SMYD3: variants seen among roughly 807,000 people sequenced by gnomAD.
SMYD3 encodes the protein histone-lysine N-methyltransferase SMYD3.
A neutral mutation model predicts 57.7 loss-of-function variants in SMYD3; 36 were observed. The ratio of observed to expected loss-of-function variants is 0.62; its 90% CI spans 0.48 to 0.82. The LOEUF is 0.82. SMYD3 is among the 40% of genes least tolerant of loss of function. The pLI is 0.00. For missense variants in SMYD3, 515 were observed against 538.8 expected (o/e 0.96, Z 0.44); for synonymous variants, 211 against 195.0 (o/e 1.08, Z -0.68).
chr1:246,393,647 T>G (rs1572455585), intron 1 of SMYD3, among the ~76,000 whole-genome samples: 1 of 131,002 alleles, frequency 7.6e-6, no homozygotes. Context: ...GGGACCAGCC[T>G]GAGCAACATA....
intron 1 of SMYD3, among the ~76,000 whole-genome samples, chr1:246,425,292 A>G (rs1192375654): frequency 2.6e-5 from 4 of 152,170 alleles, no homozygotes; most frequent in Non-Finnish European, 5.9e-5. Context: ...TTCAGAAACG[A>G]CCACAGCTCT....
intron 10 of SMYD3, among the ~76,000 whole-genome samples, chr1:245,791,598 G>T (rs1195757052): frequency 7.2e-6 from 1 of 138,830 alleles, no homozygotes; most frequent in African/African-American, 2.6e-5. Context: ...GGAATGGGGG[G>T]AGAGGACGGG....
intron 5 of SMYD3, among the ~76,000 whole-genome samples, chr1:246,277,363 G>C (rs2064355212): frequency 6.6e-6 from 1 of 152,164 alleles, no homozygotes; most frequent in African/African-American, 2.4e-5. Context: ...TACATCAAAT[G>C]CTGGTGAAGG....
intron 5 of SMYD3, among the ~76,000 whole-genome samples, chr1:246,073,095 A>AT (rs1173201933): frequency 6.6e-6 from 1 of 152,178 alleles, no homozygotes; most frequent in African/African-American, 2.4e-5. Flanking sequence ...GATGCATACA[A>AT]TTTCCAACCA....
intron 1 of SMYD3, among the ~76,000 whole-genome samples, chr1:246,482,935 T>G (rs575916682): frequency 2.6e-5 from 4 of 152,142 alleles, no homozygotes; most frequent in African/African-American, 7.2e-5. Context: ...TACAGTTATA[T>G]GCAGATCTCT....
chr1:246,213,400 T>A (rs971979882), intron 5 of SMYD3, among the ~76,000 whole-genome samples: 1 of 152,102 alleles, frequency 6.6e-6, no homozygotes, highest in Non-Finnish European at 1.5e-5. Context: ...TCCAGTGAGT[T>A]TTGAGTCAGG....
rs1572414232 is a variant in SMYD3 at position 246,355,538 on chromosome 1, T to A, written c.165-444A>T. Among the ~76,000 whole-genome samples the A allele has an allele frequency of 6.6e-6, 1 of 152,082 alleles. No individual in the cohort carries two copies. The highest frequency in any genetic ancestry group is 2.4e-5 in the African/African-American group (1 of 41,414). On this transcript the variant is annotated intron_variant, in intron 1 of 11. Coordinates refer to ENST00000490107, the MANE Select transcript of SMYD3 (RefSeq NM_001167740.2). This position sits in a 1 kb window ranked among gnomAD's most constrained non-coding sequence, Gnocchi z 5.0. ...GCTTGCTCAGCAGGGAGGCTGGCGG[T>A]CTGGGGCAAGTTCTCAGCCACAGTC...
chr1:246,144,159 G>A (rs1239063958), intron 5 of SMYD3, among the ~76,000 whole-genome samples: 2 of 152,200 alleles, frequency 1.3e-5, no homozygotes, highest in East Asian at 3.8e-4. Flanking sequence ...ACACCCGCCA[G>A]AGGACTACTA....
At chr1:246,289,876 G>A (rs2064652827) in intron 5 of SMYD3, among the ~76,000 whole-genome samples, 1 of 152,168 alleles carries the variant, frequency 6.6e-6, no homozygotes. Flanking sequence ...AATATAGGGA[G>A]CCACTCTGCT....
rs537913409 is a variant in SMYD3, at chr1:246,341,457, A to C, written c.229-5983T>G. On this transcript the variant is annotated intron_variant, in intron 2 of 11. Coordinates refer to ENST00000490107, the MANE Select transcript of SMYD3 (RefSeq NM_001167740.2). ...TCTTAAATGAGTATAGTACCAATTA[A>C]GTACACCTTGCATGAAACAGGTGTT... is the stretch of plus-strand genomic sequence containing the variant. Among the ~76,000 whole-genome samples the C allele has an allele frequency of 3.3e-5, 5 of 152,358 alleles. No homozygotes were observed. In the South Asian group the frequency reaches 8.3e-4, roughly 25 times the overall value.
intron 8 of SMYD3, among the ~76,000 whole-genome samples, chr1:245,875,038 G>A (rs1210728329): frequency 1.3e-5 from 2 of 152,244 alleles, no homozygotes; most frequent in African/African-American, 4.8e-5. Flanking sequence ...TGCAGCCATG[G>A]AAGTGAAGTG....
intron 1 of SMYD3, among the ~76,000 whole-genome samples, chr1:246,485,606 A>AC (rs34630885): frequency 0.51 from 76,449 of 148,818 alleles, 19,785 homozygotes; most frequent in Middle Eastern, 0.65. Context: ...ATACAGTGAG[A>AC]CCCCCCCCCA....
At chr1:246,275,166 A>T (rs1007535302) in intron 5 of SMYD3, among the ~76,000 whole-genome samples, 16 of 152,332 alleles carry the variant, frequency 1.1e-4, no homozygotes, top group African/African-American at 3.6e-4. Context: ...GGGGCAGGCA[A>T]CTGTTTTCTG....
Position 246,273,299 on chromosome 1 carries a change from G to A in SMYD3, c.531+53902C>T, listed in dbSNP as rs187484019. On this transcript the variant is annotated intron_variant, in intron 5 of 11. Coordinates refer to ENST00000490107, the MANE Select transcript of SMYD3 (RefSeq NM_001167740.2). ...TGAGCAGCTGGGATTACAGGTGCCC[G>A]CCACCGTGCCCAGCTAATTTTTGTA... 6.3e-3 allele frequency among the ~76,000 whole-genome samples: 943 copies of A among 149,772 alleles called. 13 individuals are homozygous for A. The highest frequency in any genetic ancestry group is 0.021 in the African/African-American group (874 of 40,760).
rs1031413707 is a variant in SMYD3, at chr1:245,818,066, G to A, written c.1076+40430C>T. Among the ~76,000 whole-genome samples the A allele has an allele frequency of 3.6e-3, 543 of 151,850 alleles. 5 individuals carry two copies. The highest frequency in any genetic ancestry group is 1.1e-3 in the Non-Finnish European group (77 of 67,880). On this transcript the variant is annotated intron_variant, in intron 10 of 11. Coordinates refer to ENST00000490107, the MANE Select transcript of SMYD3 (RefSeq NM_001167740.2). ...AGAGAACGCCACAAAGATACTCCTC[G>A]AGAAGAGCAACTCCAAGACACATAA...
At chr1:246,164,292 G>A (rs889756845) in intron 5 of SMYD3, among the ~76,000 whole-genome samples, 29 of 152,094 alleles carry the variant, frequency 1.9e-4, no homozygotes, top group Non-Finnish European at 4.0e-4. Flanking sequence ...GCGTGGTGGC[G>A]GGTGCCTGTC....
chr1:246,315,369 C>G (rs2065140040), intron 5 of SMYD3, among the ~76,000 whole-genome samples: 1 of 152,176 alleles, frequency 6.6e-6, no homozygotes, highest in Non-Finnish European at 1.5e-5. Context: ...TCAATCCTAA[C>G]CAAGTAGATT....
At chr1:245,772,092 G>C (rs1159199926) in intron 10 of SMYD3, among the ~76,000 whole-genome samples, 1 of 152,086 alleles carries the variant, frequency 6.6e-6, no homozygotes, top group African/African-American at 2.4e-5. Context: ...AAAAGAACTT[G>C]GGTTCCAGCC....
chr1:245,919,866 T>C (rs957445987), intron 7 of SMYD3, among the ~76,000 whole-genome samples: 6 of 152,216 alleles, frequency 3.9e-5, no homozygotes, highest in Admixed American at 2.0e-4. Flanking sequence ...GCAGCTCTTA[T>C]AGAAAATGCA....
Sources: gnomAD v4.1 joint callset for allele counts (sites outside exome capture counted in the v4.1 genomes callset) on GRCh38, gnomAD v4.1.1 for gene constraint, Gnocchi (gnomAD v3.1) non-coding constraint, MANE v1.5 for transcripts, NCBI Gene and HGNC (gene_info 2026-07-23, HGNC 2026-07-21) for gene names.